Variants in ROS1 observed in about 807,000 individuals in gnomAD.
The protein encoded by ROS1 is proto-oncogene tyrosine-protein kinase ROS.
Under a neutral mutation model 273.5 loss-of-function variants are expected in ROS1, and 263 were observed. That is an observed-to-expected ratio of 0.96 (90% confidence interval 0.87 to 1.06). The LOEUF is 1.06. Ranked by LOEUF, ROS1 falls within the 50% of genes least tolerant of loss-of-function variation. ROS1 has a pLI of 0.00. For missense variants in ROS1, 2,833 were observed against 2,751.1 expected (o/e 1.03, Z -0.67); for synonymous variants, 1,008 against 954.1 (o/e 1.06, Z -1.04).
At position 117,353,127 on chromosome 6, in the gene ROS1, A is replaced by G; in HGVS notation, c.4166T>C (p.Ile1389Thr). 1 of 1,613,534 alleles carries G rather than the reference A, an allele frequency of 6.2e-7. No homozygotes were observed. The highest frequency in any genetic ancestry group is 8.5e-7 in the Non-Finnish European group (1 of 1,179,684). Residue 1389 changes from isoleucine to threonine, a missense_variant, in exon 27 of 44, where the codon ATA becomes ACA. By Grantham distance (89) the Ile-to-Thr change is moderately conservative. Coordinates refer to ENST00000368507, the MANE Select transcript of ROS1 (RefSeq NM_001378902.1). ...GTCCTTTGCTGTGATGATCCAGTAT[A>G]TAAGATCTCCATCCACAGTTAAGCT... Reference protein sequence around the residue: ...LVSLTVDGDLIYWIITAKDST... With the variant: ...LVSLTVDGDLTYWIITAKDST...
In ROS1 at chr6:117,308,820, C is replaced by T. The variant is rs1281192538; in HGVS notation, c.6525G>A (p.Glu2175=). 1.2e-6 allele frequency: 2 copies of T among 1,612,980 alleles called. No individual in the cohort carries two copies. The highest frequency in any genetic ancestry group is 1.7e-6 in the Non-Finnish European group (2 of 1,179,490). Reference sequence around the variant, plus strand: ...GATCATCAGGACAATTTCTTGGTGGCTCCAGTCTCCCTCCTGTTTGCACAT... The same window carrying T: ...GATCATCAGGACAATTTCTTGGTGGTTCCAGTCTCCCTCCTGTTTGCACAT... ...LNYVQTGGRL[E]PPRNCPDDLW... is the part of the protein sequence containing the mutation. The change falls in exon 42 of 44, where the codon GAG becomes GAA. Residue 2175 remains glutamate, a synonymous_variant. Coordinates refer to ENST00000368507, the MANE Select transcript of ROS1 (RefSeq NM_001378902.1).
intron 43 of ROS1, among the ~76,000 whole-genome samples, chr6:117,295,212 A>C (rs1482558218): frequency 6.6e-6 from 1 of 152,240 alleles, no homozygotes; most frequent in Non-Finnish European, 1.5e-5. Context: ...ATGTTTTACA[A>C]AGATGCCAAG....
intron 41 of ROS1, 27 bp from the exon 42 acceptor site, chr6:117,308,955 A>G: frequency 6.2e-7 from 1 of 1,603,144 alleles, no homozygotes; most frequent in Non-Finnish European, 8.5e-7. Flanking sequence ...GTTTGCTTTA[A>G]TTATACTTAT....
chr6:117,311,328 C>T (rs557368820), intron 39 of ROS1, among the ~76,000 whole-genome samples: 1 of 152,018 alleles, frequency 6.6e-6, no homozygotes, highest in African/African-American at 2.4e-5. Context: ...AAAATGACAG[C>T]TATGTTTAGT....
In ROS1 at chr6:117,344,156, T is replaced by A; in HGVS notation, c.4410A>T (p.Thr1470=). 1 of 1,613,892 alleles carries A rather than the reference T, an allele frequency of 6.2e-7. No individual in the cohort carries two copies. Among genetic ancestry groups the A allele is most frequent in the African/African-American group, 1.3e-5 (1 of 75,040 alleles). The change falls in exon 28 of 44, where the codon ACA becomes ACT. Residue 1470 remains threonine, a synonymous_variant. Transcript: ENST00000368507. Reference sequence around the variant, plus strand: ...GAGTAGGGCTGGTGATGCCATACCATGTGAGGTTTGTCTTGGCCAGAGGTA... The same window carrying A: ...GAGTAGGGCTGGTGATGCCATACCAAGTGAGGTTTGTCTTGGCCAGAGGTA... ...IRLPLAKTNL[T]WYGITSPTPT... is the part of the protein sequence containing the mutation.
At chr6:117,289,255 T>C (rs559057639) in intron 43 of ROS1, among the ~76,000 whole-genome samples, 6 of 152,312 alleles carry the variant, frequency 3.9e-5, no homozygotes, top group African/African-American at 9.6e-5. Context: ...TTTTTCTAGA[T>C]TTAGTAATTT....
chr6:117,303,468 AACT>A (rs1028709686), intron 42 of ROS1, among the ~76,000 whole-genome samples: 5 of 152,170 alleles, frequency 3.3e-5, no homozygotes, highest in African/African-American at 1.2e-4. Flanking sequence ...GGAGTCAGGG[AACT>A]ACAAGTGGGG....
chr6:117,345,862 G>A (rs934128030), intron 27 of ROS1, among the ~76,000 whole-genome samples: 2 of 152,114 alleles, frequency 1.3e-5, no homozygotes, highest in Non-Finnish European at 2.9e-5. Context: ...AAATAATGCT[G>A]GTCTGGTCTG....
intron 13 of ROS1, 58 bp from the exon 14 acceptor site, chr6:117,388,050 A>G (rs758695495): frequency 8.7e-6 from 14 of 1,607,770 alleles, no homozygotes; most frequent in Non-Finnish European, 1.2e-5. Flanking sequence ...AGGGCAAACC[A>G]AGGATTCTCC....
intron 5 of ROS1, among the ~76,000 whole-genome samples, chr6:117,406,348 T>C (rs919042884): frequency 6.6e-6 from 1 of 152,064 alleles, no homozygotes; most frequent in Non-Finnish European, 1.5e-5. Context: ...CACCGATAAA[T>C]GACCTAGAAA....
At chr6:117,352,022 A>G (rs1163733400) in intron 27 of ROS1, among the ~76,000 whole-genome samples, 1 of 152,204 alleles carries the variant, frequency 6.6e-6, no homozygotes, top group African/African-American at 2.4e-5. Flanking sequence ...ATTTAGAATG[A>G]TATTTGCACC....
intron 27 of ROS1, 106 bp from the exon 28 acceptor site, chr6:117,344,368 A>G: frequency 2.7e-6 from 2 of 732,866 alleles, no homozygotes; most frequent in Non-Finnish European, 4.4e-6. Flanking sequence ...AAATTTGTAG[A>G]GCATACATAA....
chr6:117,369,430 C>G (rs1041398346), intron 18 of ROS1, among the ~76,000 whole-genome samples: 1 of 151,966 alleles, frequency 6.6e-6, no homozygotes, highest in African/African-American at 2.4e-5. Context: ...AAAAATTAGC[C>G]GGGCGTGTTG....
Position 117,365,224 on chromosome 6 carries a change from C to T in ROS1, c.2959-20G>A, listed in dbSNP as rs770164830. 4 of 1,550,408 alleles carry T rather than the reference C, an allele frequency of 2.6e-6. No homozygotes were observed. The South Asian group carries it at 4.7e-5, about 18-fold the overall frequency. ...CAAGAACTAAAATATAAACAGAAAA[C>T]ATTATTTTCTCAGGGAGAGAATTAT... is the stretch of plus-strand genomic sequence containing the variant. On this transcript the variant is annotated intron_variant, in intron 20 of 43. Transcript: ENST00000368507.
At chr6:117,358,509 G>A (rs183257190) in intron 24 of ROS1, among the ~76,000 whole-genome samples, 1 of 152,000 alleles carries the variant, frequency 6.6e-6, no homozygotes, top group African/African-American at 2.4e-5. Flanking sequence ...ACCCAGGCTG[G>A]AGTGCAGTGG....
At chr6:117,371,869 G>A (rs1780812208) in intron 18 of ROS1, among the ~76,000 whole-genome samples, 1 of 151,836 alleles carries the variant, frequency 6.6e-6, no homozygotes, top group Admixed American at 6.6e-5. Context: ...AACTCCATCA[G>A]CCTGAGAACT....
rs1332624705 is a variant in ROS1, at chr6:117,341,421, AC to A, written c.4862del (p.Gly1621ValfsTer7). The part of the protein sequence containing the change: ...RLTLLVTRLS[G>X]GNIYVLKVLA... ...GTACCTTTAACACATAAATATTTCC[AC>A]CAGACAGTCTAGTAACAAGGAGAGT... On this transcript the variant is annotated frameshift_variant, in exon 30 of 44. Coordinates refer to ENST00000368507, the MANE Select transcript of ROS1 (RefSeq NM_001378902.1). LOFTEE classifies it high-confidence loss of function. 2 of 1,613,704 alleles carry A rather than the reference AC, an allele frequency of 1.2e-6. No homozygotes were observed. The highest frequency in any genetic ancestry group is 1.7e-6 in the Non-Finnish European group (2 of 1,179,666).
intron 26 of ROS1, among the ~76,000 whole-genome samples, chr6:117,354,847 A>G (rs895837151): frequency 2.6e-5 from 4 of 152,232 alleles, no homozygotes; most frequent in African/African-American, 9.6e-5. Context: ...ATAGCGCACT[A>G]GGAAAGACAA....
chr6:117,357,440 CT>C (rs1779414859), intron 25 of ROS1, among the ~76,000 whole-genome samples: 3 of 152,318 alleles, frequency 2.0e-5, no homozygotes, highest in Admixed American at 6.5e-5. Context: ...CACAGAATAA[CT>C]TTTACTGTGC....
Sources: gnomAD v4.1 joint callset for allele counts (sites outside exome capture counted in the v4.1 genomes callset) on GRCh38, gnomAD v4.1.1 for gene constraint, MANE v1.5 for transcripts, NCBI Gene and HGNC (gene_info 2026-07-23, HGNC 2026-07-21) for gene names.